The following CACNA2D1 variants were observed in gnomAD, a reference collection of about 807,000 sequenced individuals.
The protein encoded by CACNA2D1 is voltage-dependent calcium channel subunit alpha-2/delta-1.
Under a neutral mutation model 171.5 loss-of-function variants are expected in CACNA2D1, and 53 were observed. The ratio of observed to expected loss-of-function variants is 0.31; its 90% CI spans 0.25 to 0.39. The LOEUF is 0.39. Among genes scored for constraint, CACNA2D1 ranks in the 10% least tolerant of loss-of-function variants. The pLI is 1.00. For synonymous variants in CACNA2D1, 442 were observed against 443.1 expected (o/e 1.00, Z 0.03); for missense variants, 903 against 1,299.8 (o/e 0.69, Z 4.69).
At chr7:81,957,236 CTT>C (rs1793505354) in intron 38 of CACNA2D1, among the ~76,000 whole-genome samples, 1 of 151,984 alleles carries the variant, frequency 6.6e-6, no homozygotes, top group South Asian at 2.1e-4. Context: ...TACACAAAAA[CTT>C]TATGAAAAAT....
chr7:82,037,806 T>C (rs1224454778), intron 11 of CACNA2D1, among the ~76,000 whole-genome samples: 3 of 152,316 alleles, frequency 2.0e-5, no homozygotes, highest in Admixed American at 1.3e-4. Flanking sequence ...TTTCAAGTGC[T>C]TATTCAAAAT....
At chr7:81,967,728 C>T in intron 29 of CACNA2D1, 65 bp from the exon 30 acceptor site, 2 of 768,252 alleles carry the variant, frequency 2.6e-6, no homozygotes, top group Non-Finnish European at 4.5e-6. Flanking sequence ...TGCAATATGA[C>T]AGTTATTTTG....
intron 2 of CACNA2D1, among the ~76,000 whole-genome samples, chr7:82,349,182 A>T (rs1819576044): frequency 6.6e-6 from 1 of 152,204 alleles, no homozygotes; most frequent in South Asian, 2.1e-4. Context: ...TTCACTGAGG[A>T]TATTCAAAAG....
chr7:82,351,268 A>G (rs1819815412), intron 1 of CACNA2D1, among the ~76,000 whole-genome samples: 1 of 151,502 alleles, frequency 6.6e-6, no homozygotes, highest in African/African-American at 2.4e-5. Context: ...TAAAATATAA[A>G]TGTAAGTAGT....
At chr7:82,112,332 T>C (rs1329144038) in intron 6 of CACNA2D1, among the ~76,000 whole-genome samples, 9 of 152,186 alleles carry the variant, frequency 5.9e-5, no homozygotes, top group Non-Finnish European at 1.2e-4. Flanking sequence ...AAGAATAACA[T>C]TATACACCAG....
chr7:82,324,668 T>G (rs913468737), intron 3 of CACNA2D1, among the ~76,000 whole-genome samples: 40 of 152,124 alleles, frequency 2.6e-4, no homozygotes, highest in African/African-American at 8.7e-4. Context: ...AATGTGATGG[T>G]GTATCTGGGG....
At chr7:82,182,825 CGGGAGTTCGAGACCTGT>C in intron 3 of CACNA2D1, among the ~76,000 whole-genome samples, 1 of 152,054 alleles carries the variant, frequency 6.6e-6, no homozygotes. Context: ...ATCACGAAGT[CGGGAGTTCGAGACCTGT>C]CTGGCCAACA....
chr7:81,962,073 T>A, intron 35 of CACNA2D1, 50 bp from the exon 36 acceptor site: 1 of 1,578,610 alleles, frequency 6.3e-7, no homozygotes, highest in Non-Finnish European at 8.7e-7. Context: ...TTAGGAGGGG[T>A]CTCTGTAGTC....
chr7:82,256,036 AGAGG>A (rs1806258298), intron 3 of CACNA2D1, among the ~76,000 whole-genome samples: 1 of 152,094 alleles, frequency 6.6e-6, no homozygotes, highest in African/African-American at 2.4e-5. Context: ...CAGCATTTTG[AGAGG>A]CCAAGGCAGA....
At chr7:82,321,182 C>T (rs1302514535) in intron 3 of CACNA2D1, among the ~76,000 whole-genome samples, 5 of 151,822 alleles carry the variant, frequency 3.3e-5, no homozygotes, top group Non-Finnish European at 5.9e-5. Context: ...GCAGAACATT[C>T]GAGGTCAGGA....
At chr7:82,277,763 T>TTTC (rs1809548857) in intron 3 of CACNA2D1, among the ~76,000 whole-genome samples, 1 of 150,598 alleles carries the variant, frequency 6.6e-6, no homozygotes, top group Non-Finnish European at 1.5e-5. Context: ...TTTTTTTTTT[T>TTTC]GAGATGGAGT....
chr7:82,252,889 G>GA (rs1015015302), intron 3 of CACNA2D1, among the ~76,000 whole-genome samples: 1,824 of 143,768 alleles, frequency 0.013, 27 homozygotes, highest in African/African-American at 0.04. Flanking sequence ...GAATTCGTCA[G>GA]AAAAAAAAAA....
chr7:82,099,537 C>T lies in CACNA2D1; in HGVS notation c.527-14637G>A. On this transcript the variant is annotated intron_variant, in intron 6 of 38. Coordinates refer to ENST00000356860, the MANE Select transcript of CACNA2D1 (RefSeq NM_000722.4). ...GGATCTCGGCTCACTGCAAGCTCCG[C>T]CTCCCGGGTTCACGCCATTCTCCTG... Among the ~76,000 whole-genome samples, 2 of 100,264 alleles carry T rather than the reference C, an allele frequency of 2.0e-5. 1 individual carries two copies. The highest frequency in any genetic ancestry group is 4.3e-5 in the Non-Finnish European group (2 of 46,890). The allele number at this position is 100,264 out of a possible 152,430, so 65.8% of individuals were successfully genotyped here. A position where few individuals can be genotyped will look rare whatever the true frequency, so the allele number is the denominator to read the frequency against.
intron 5 of CACNA2D1, among the ~76,000 whole-genome samples, chr7:82,135,038 C>T (rs1254932618): frequency 1.3e-5 from 2 of 151,828 alleles, no homozygotes; most frequent in African/African-American, 4.8e-5. Flanking sequence ...ATGAGCAAAC[C>T]TAAATAAAAC....
chr7:82,102,309 A>G (rs999357670), intron 6 of CACNA2D1, among the ~76,000 whole-genome samples: 10 of 152,106 alleles, frequency 6.6e-5, no homozygotes, highest in African/African-American at 2.4e-4. Context: ...TTGGGGAAAA[A>G]AAATCCTGAG....
chr7:82,192,645 T>C (rs1442756890), intron 3 of CACNA2D1, among the ~76,000 whole-genome samples: 1 of 151,708 alleles, frequency 6.6e-6, no homozygotes, highest in Non-Finnish European at 1.5e-5. Context: ...ATGAACTCTC[T>C]TTGACTGAGC....
At chr7:81,983,036 G>A (rs1477299870) in intron 23 of CACNA2D1, among the ~76,000 whole-genome samples, 1 of 152,082 alleles carries the variant, frequency 6.6e-6, no homozygotes, top group African/African-American at 2.4e-5. Context: ...CCTTTAGTGA[G>A]TTAATAACAT....
Position 82,366,914 on chromosome 7 carries a change from T to G in CACNA2D1, c.96-17265A>C, listed in dbSNP as rs895890364. Among the ~76,000 whole-genome samples the G allele has an allele frequency of 9.1e-5, 13 of 142,078 alleles. 1 individual carries two copies. Among genetic ancestry groups the G allele is most frequent in the Non-Finnish European group, 2.0e-4 (13 of 64,442 alleles). 93.2% of individuals were successfully genotyped at this position (142,078 alleles called of 152,430 possible). ...CCACTGGTTTTGACCTTTTTTTTTT[T>G]TTTTTTTTTTTTGACGGTGCCTTGC... On this transcript the variant is annotated intron_variant, in intron 1 of 38. Coordinates refer to ENST00000356860, the MANE Select transcript of CACNA2D1 (RefSeq NM_000722.4).
At chr7:82,383,661 C>T (rs1823964570) in intron 1 of CACNA2D1, among the ~76,000 whole-genome samples, 1 of 152,122 alleles carries the variant, frequency 6.6e-6, no homozygotes, top group Non-Finnish European at 1.5e-5. Flanking sequence ...AGGAACAAGC[C>T]CAGTATTTTT....
Sources: gnomAD v4.1 joint callset for allele counts (sites outside exome capture counted in the v4.1 genomes callset) on GRCh38, gnomAD v4.1.1 for gene constraint, MANE v1.5 for transcripts, NCBI Gene and HGNC (gene_info 2026-07-23, HGNC 2026-07-21) for gene names.